Variants in TMEM178A observed in about 807,000 individuals in gnomAD.
The protein encoded by TMEM178A is transmembrane protein 178.
In TMEM178A, 12 loss-of-function variants were observed where a neutral mutation model predicts 29.1. The observed-to-expected ratio is 0.41, with a 90% CI of 0.26 to 0.67. The LOEUF is 0.67. Among genes scored for constraint, TMEM178A ranks in the 30% least tolerant of loss-of-function variants. TMEM178A has a pLI of 0.29. For synonymous variants in TMEM178A, 210 were observed against 187.2 expected (o/e 1.12, Z -0.99); for missense variants, 366 against 419.1 (o/e 0.87, Z 1.11).
At chr2:39,710,918 C>T (rs1314037042) in intron 3 of TMEM178A, among the ~76,000 whole-genome samples, 1 of 152,244 alleles carries the variant, frequency 6.6e-6, no homozygotes, top group Admixed American at 6.5e-5. Context: ...ATTTCTCCTT[C>T]TGCCTTATTG....
chr2:39,671,958 C>T (rs1292649316), intron 1 of TMEM178A, among the ~76,000 whole-genome samples: 1 of 152,298 alleles, frequency 6.6e-6, no homozygotes, highest in African/African-American at 2.4e-5. Context: ...CATTTTATTT[C>T]TGTACCAATT....
chr2:39,674,084 T>C (rs1018809560), intron 1 of TMEM178A, among the ~76,000 whole-genome samples: 12 of 152,082 alleles, frequency 7.9e-5, no homozygotes, highest in Non-Finnish European at 1.2e-4. Context: ...ATTCAGACAA[T>C]GGAAGTTTGG....
At chr2:39,682,919 T>C (rs1237736485) in intron 1 of TMEM178A, among the ~76,000 whole-genome samples, 2 of 152,172 alleles carry the variant, frequency 1.3e-5, no homozygotes, top group African/African-American at 4.8e-5. Flanking sequence ...AATTCTCCTC[T>C]TCACAGCCTG....
chr2:39,667,021 A>G (rs1304357696), intron 1 of TMEM178A, among the ~76,000 whole-genome samples: 2 of 152,292 alleles, frequency 1.3e-5, no homozygotes, highest in South Asian at 2.1e-4. Context: ...TCAGAGACCA[A>G]TCGTTGGCTG....
intron 1 of TMEM178A, among the ~76,000 whole-genome samples, chr2:39,674,314 C>T (rs533540815): frequency 1.6e-4 from 25 of 152,234 alleles, no homozygotes; most frequent in Admixed American, 9.2e-4. Context: ...TGTGTGTACA[C>T]AATAGAATAC....
At chr2:39,716,894 G>C in intron 3 of TMEM178A, 116 bp from the exon 4 acceptor site, 2 of 1,265,112 alleles carry the variant, frequency 1.6e-6, no homozygotes, top group Non-Finnish European at 2.2e-6. Flanking sequence ...GATCATTTGT[G>C]AATTTGGAGT....
At chr2:39,669,727 A>G (rs899546410) in intron 1 of TMEM178A, among the ~76,000 whole-genome samples, 1 of 152,234 alleles carries the variant, frequency 6.6e-6, no homozygotes, top group Non-Finnish European at 1.5e-5. Flanking sequence ...GCATAGTTTA[A>G]ACATAGTTAT....
intron 1 of TMEM178A, among the ~76,000 whole-genome samples, chr2:39,672,496 C>T (rs1483396561): frequency 6.6e-6 from 1 of 152,160 alleles, no homozygotes; most frequent in Admixed American, 6.5e-5. Flanking sequence ...ATCAGGCAGA[C>T]TGCTCGTAAT....
At chr2:39,722,956 G>A (rs1572704794), downstream of TMEM178A, among the ~76,000 whole-genome samples, 1 of 152,310 alleles carries the variant, frequency 6.6e-6, no homozygotes, top group East Asian at 1.9e-4. Context: ...TAACTGTGAA[G>A]TGGCATCCTC....
chr2:39,668,596 T>A (rs969273552), intron 1 of TMEM178A, among the ~76,000 whole-genome samples: 2 of 152,236 alleles, frequency 1.3e-5, no homozygotes, highest in African/African-American at 4.8e-5. Flanking sequence ...TTGTTATAAT[T>A]AATAACAATG....
the TMEM178A span, among the ~76,000 whole-genome samples, chr2:39,735,538 T>TG: frequency 6.6e-6 from 1 of 152,180 alleles, no homozygotes; most frequent in Non-Finnish European, 1.5e-5. Flanking sequence ...TAACACTAGC[T>TG]GTATTCTCAC....
chr2:39,680,777 A>G (rs1483253904), intron 1 of TMEM178A, among the ~76,000 whole-genome samples: 1 of 152,170 alleles, frequency 6.6e-6, no homozygotes, highest in Non-Finnish European at 1.5e-5. Context: ...CAACAGGAAA[A>G]ACATTGTAGG....
At position 39,692,509 on chromosome 2, in the gene TMEM178A, T is replaced by C. The variant is rs143277493; in HGVS notation, c.401-11572T>C. Among the ~76,000 whole-genome samples the C allele has an allele frequency of 7.2e-5, 11 of 152,248 alleles. No homozygotes were observed. In the East Asian group the frequency reaches 1.5e-3, roughly 21 times the overall value. On this transcript the variant is annotated intron_variant, in intron 1 of 3. Coordinates refer to ENST00000281961, the MANE Select transcript of TMEM178A (RefSeq NM_152390.3). ...GTGTATTTTACCACAATAAGAAAAA[T>C]TGGAGAAAAAAAGACAGTGATTGAT... is the stretch of plus-strand genomic sequence containing the variant.
chr2:39,680,748 A>G (rs1400894294), intron 1 of TMEM178A, among the ~76,000 whole-genome samples: 2 of 151,264 alleles, frequency 1.3e-5, no homozygotes, highest in African/African-American at 2.5e-5. Context: ...GAAAGAAAAA[A>G]ACATGCTTTT....
intron 1 of TMEM178A, among the ~76,000 whole-genome samples, chr2:39,693,890 C>T (rs79325229): frequency 0.013 from 1,992 of 151,332 alleles, 39 homozygotes; most frequent in East Asian, 0.063. Flanking sequence ...GTCAGCCTAA[C>T]CCAATGACAG....
intron 1 of TMEM178A, among the ~76,000 whole-genome samples, chr2:39,692,514 GA>G (rs1328335409): frequency 1.3e-5 from 2 of 151,794 alleles, no homozygotes; most frequent in Admixed American, 1.3e-4. Context: ...AAAAATTGGA[GA>G]AAAAAAGACA....
chr2:39,672,713 A>G (rs1670457366), intron 1 of TMEM178A, among the ~76,000 whole-genome samples: 1 of 152,016 alleles, frequency 6.6e-6, no homozygotes, highest in South Asian at 2.1e-4. Context: ...AAAAAAAACA[A>G]CTTTGTAGAG....
In TMEM178A at chr2:39,704,798, C is replaced by T. The variant is rs533594263; in HGVS notation, c.514+604C>T. Among the ~76,000 whole-genome samples the T allele has an allele frequency of 1.6e-4, 24 of 152,236 alleles. No homozygotes were observed. The South Asian group carries it at 3.9e-3, about 25-fold the overall frequency. On this transcript the variant is annotated intron_variant, in intron 2 of 3. Coordinates refer to ENST00000281961, the MANE Select transcript of TMEM178A (RefSeq NM_152390.3). ...AGCTGCCTGATGATAGATAGCTCCC[C>T]GAAACGAAAAACTACTGTGAATTTT...
intron 1 of TMEM178A, among the ~76,000 whole-genome samples, chr2:39,679,742 TA>T (rs1043857449): frequency 1.3e-5 from 2 of 152,306 alleles, no homozygotes; most frequent in African/African-American, 4.8e-5. Flanking sequence ...TGTTTTGGTT[TA>T]TTAAATATTC....
Sources: allele counts gnomAD v4.1 joint callset (sites outside exome capture counted in the v4.1 genomes callset), GRCh38; gene constraint gnomAD v4.1.1; transcripts MANE v1.5; gene names NCBI Gene and HGNC (gene_info 2026-07-23, HGNC 2026-07-21).